POFUT1: variants seen among roughly 807,000 people sequenced by gnomAD.
POFUT1 encodes the protein GDP-fucose protein O-fucosyltransferase 1.
In POFUT1, 16 loss-of-function variants were observed where a neutral mutation model predicts 42.4. That is an observed-to-expected ratio of 0.38 (90% confidence interval 0.26 to 0.57). The LOEUF is 0.57. POFUT1 is among the 20% of genes least tolerant of loss of function. The pLI is 0.71. For synonymous variants in POFUT1, 206 were observed against 205.4 expected (o/e 1.00, Z -0.03); for missense variants, 470 against 504.6 (o/e 0.93, Z 0.66).
rs756587591 is a variant in POFUT1 at position 32,234,609 on chromosome 20, C to T, written c.1115C>T (p.Pro372Leu). 20 of 1,613,750 alleles carry T rather than the reference C, an allele frequency of 1.2e-5. No individual in the cohort carries two copies. The highest frequency in any genetic ancestry group is 1.6e-4 in the Middle Eastern group (1 of 6,082). ...VKRERDLQGR[P>L]SSFFGMDRPP... ...CGGGAGCGGGACCTCCAGGGGAGGCCGTCTTCTTTCTTCGGCATGGACAGG... is the reference window on the plus strand; with the variant it reads ...CGGGAGCGGGACCTCCAGGGGAGGCTGTCTTCTTTCTTCGGCATGGACAGG... Residue 372 changes from proline to leucine, a missense_variant, in exon 7 of 7, where the codon CCG (proline) becomes CTG (leucine). Physicochemically the swap from Pro to Leu is moderately conservative, Grantham distance 98. Coordinates refer to ENST00000375749, the MANE Select transcript of POFUT1 (RefSeq NM_015352.2).
intron 6 of POFUT1, among the ~76,000 whole-genome samples, chr20:32,233,765 A>G (rs899733365): frequency 1.3e-5 from 2 of 152,282 alleles, no homozygotes; most frequent in South Asian, 2.1e-4. Context: ...TTTGGGGTAC[A>G]TGGGAGATGG....
In POFUT1 at chr20:32,228,244, C is replaced by T. The variant is rs1417440439; in HGVS notation, c.543-19C>T. On this transcript the variant is annotated intron_variant, in intron 4 of 6. Transcript: ENST00000375749. ...TCTCTGTGCGTCCTCTGACTTCCCT[C>T]ATTCCATCTCCTGTCTAGATTTTCT... is the stretch of plus-strand genomic sequence containing the variant. 3 of 1,605,618 alleles carry T rather than the reference C, an allele frequency of 1.9e-6. No individual in the cohort carries two copies. Among genetic ancestry groups the T allele is most frequent in the Admixed American group, 3.4e-5 (2 of 59,540 alleles).
chr20:32,225,509 G>T (rs1362728607), intron 4 of POFUT1, among the ~76,000 whole-genome samples: 1 of 151,876 alleles, frequency 6.6e-6, no homozygotes, highest in Non-Finnish European at 1.5e-5. Flanking sequence ...TTTTTTTTGA[G>T]ACAAGGTCTC....
chr20:32,215,544 A>G, intron 3 of POFUT1, 93 bp downstream of exon 3: 1 of 1,051,262 alleles, frequency 9.5e-7, no homozygotes, highest in South Asian at 1.6e-5. Context: ...GAAAAGCACC[A>G]GAAGGACTTA....
chr20:32,217,867 AGTGG>A, intron 4 of POFUT1: 17 of 332,686 alleles, frequency 5.1e-5, no homozygotes, highest in Non-Finnish European at 6.9e-5. Flanking sequence ...TGAGCTGTTG[AGTGG>A]ACAGCTCAGG....
At position 32,237,928 on chromosome 20, in the gene POFUT1, C is replaced by T. The variant is rs1047738045; in HGVS notation, c.*3267C>T. Reference sequence around the variant, plus strand: ...TATGTAATTATTTTTCAGTCTTTTTCAAAGATACAAATATTTACATAGTTT... The same window carrying T: ...TATGTAATTATTTTTCAGTCTTTTTTAAAGATACAAATATTTACATAGTTT... On this transcript the variant is annotated 3_prime_UTR_variant, in exon 7 of 7. Transcript: ENST00000375749. The T allele has an allele frequency of 2.4e-5, 11 of 457,640 alleles. No homozygotes were observed. Among genetic ancestry groups the T allele is most frequent in the Non-Finnish European group, 4.5e-5 (10 of 220,710 alleles). 28.3% of individuals were successfully genotyped at this position (457,640 alleles called of 1,614,324 possible).
At chr20:32,231,354 G>A (rs752799506) in intron 6 of POFUT1, 1 of 384,560 alleles carries the variant, frequency 2.6e-6, no homozygotes, top group Non-Finnish European at 5.0e-6. Context: ...GTAGAAATAT[G>A]TCTTATTTCC....
intron 1 of POFUT1, 85 bp downstream of exon 1, chr20:32,208,150 C>T: frequency 7.5e-7 from 1 of 1,326,150 alleles, no homozygotes; most frequent in Non-Finnish European, 1.0e-6. Flanking sequence ...CCAGAGACAC[C>T]TTCACAGGTC....
chr20:32,213,455 CAAA>C (rs550266377), intron 2 of POFUT1, among the ~76,000 whole-genome samples: 1 of 123,874 alleles, frequency 8.1e-6, no homozygotes. Context: ...GACTCCATCT[CAAA>C]AAAAAAAAAA....
Position 32,210,108 on chromosome 20 carries a change from T to C in POFUT1, c.162T>C (p.Ser54=). 1 of 1,614,220 alleles carries C rather than the reference T, an allele frequency of 6.2e-7. No individual in the cohort carries two copies. The highest frequency in any genetic ancestry group is 8.5e-7 in the Non-Finnish European group (1 of 1,180,028). Residue 54 remains serine, a synonymous_variant, in exon 2 of 7, where the codon TCT becomes TCC. Transcript: ENST00000375749. ...FGNQADHFLG[S]LAFAKLLNRT... ...ACCAGGCCGATCACTTCTTGGGCTC[T>C]CTGGCATTTGCAAAGCTGCTAAACC...
intron 3 of POFUT1, 123 bp from the exon 4 acceptor site, chr20:32,216,486 T>C: frequency 1.5e-6 from 1 of 658,326 alleles, no homozygotes; most frequent in African/African-American, 1.8e-5. Context: ...TCCTAGGCCA[T>C]CCTGTGAGAG....
rs560812625 is a variant in POFUT1, at chr20:32,227,454, G to A, written c.543-809G>A. On this transcript the variant is annotated intron_variant, in intron 4 of 6. Transcript: ENST00000375749. ...AAGGTCTTGCCTTGAGCCTGGAGGC[G>A]GAGATTGCAGTGAGCCGAGATCACG... 3.1e-3 allele frequency among the ~76,000 whole-genome samples: 475 copies of A among 152,288 alleles called. 3 individuals are homozygous for A. The highest frequency in any genetic ancestry group is 0.011 in the African/African-American group (460 of 41,540).
chr20:32,221,330 C>T (rs2122581264), intron 4 of POFUT1, among the ~76,000 whole-genome samples: 1 of 152,280 alleles, frequency 6.6e-6, no homozygotes, highest in South Asian at 2.1e-4. Flanking sequence ...GATTAGGCAG[C>T]TGCTCCCCTT....
At chr20:32,212,868 C>G (rs534493285) in intron 2 of POFUT1, among the ~76,000 whole-genome samples, 2 of 152,016 alleles carry the variant, frequency 1.3e-5, no homozygotes, top group East Asian at 3.9e-4. Context: ...AGGCAAAAGC[C>G]ACTGCGCCCA....
rs927001610 is a variant in POFUT1, at chr20:32,217,698, A to G, written c.542+977A>G. The G allele has an allele frequency of 5.1e-6, 5 of 985,334 alleles. No individual in the cohort carries two copies. The African/African-American group carries it at 5.2e-5, about 10-fold the overall frequency. The allele number at this position is 985,334 out of a possible 1,614,324, so 61.0% of individuals were successfully genotyped here. ...GTAGTGCATGAAGTGCATGTCATACACTAAGCAGCCAGCCAGTGTTGGCTG... is the reference window on the plus strand; with the variant it reads ...GTAGTGCATGAAGTGCATGTCATACGCTAAGCAGCCAGCCAGTGTTGGCTG... On this transcript the variant is annotated intron_variant, in intron 4 of 6. Transcript: ENST00000375749.
chr20:32,221,959 A>G (rs2047392995), intron 4 of POFUT1, among the ~76,000 whole-genome samples: 1 of 152,136 alleles, frequency 6.6e-6, no homozygotes, highest in African/African-American at 2.4e-5. Context: ...AAGTAAAAGA[A>G]GATCTGGGTA....
At position 32,219,508 on chromosome 20, in the gene POFUT1, GTT is replaced by G. The variant is rs11478934; in HGVS notation, c.542+2805_542+2806del. On this transcript the variant is annotated intron_variant, in intron 4 of 6. Coordinates refer to ENST00000375749, the MANE Select transcript of POFUT1 (RefSeq NM_015352.2). ...ACAAAACGTAGTAGCATAACAACAA[GTT>G]TTTTTTTTTTTTTTTTTGAGACGGA... 1.9e-3 allele frequency among the ~76,000 whole-genome samples: 216 copies of G among 112,316 alleles called. 3 individuals carry two copies. The Middle Eastern group carries it at 0.032, about 17-fold the overall frequency. The allele number at this position is 112,316 out of a possible 152,430, so 73.7% of individuals were successfully genotyped here. A position where few individuals can be genotyped will look rare whatever the true frequency, so the allele number is the denominator to read the frequency against.
At chr20:32,223,662 C>T (rs536672094) in intron 4 of POFUT1, 1 of 985,332 alleles carries the variant, frequency 1.0e-6, no homozygotes, top group Admixed American at 6.1e-5. Flanking sequence ...CCTTCCTTCT[C>T]TAACCCCTGA....
Position 32,237,540 on chromosome 20 carries a change from G to A in POFUT1, c.*2879G>A. 4.2e-6 allele frequency: 1 copy of A among 237,254 alleles called. No homozygotes were observed. The highest frequency in any genetic ancestry group is 8.8e-6 in the Non-Finnish European group (1 of 113,206). 14.7% of individuals were successfully genotyped at this position (237,254 alleles called of 1,614,324 possible). ...GAGCAGCCAGGAGGCCAGCATGGCT[G>A]GAGAGGCAGGCATAGGCAGGGAACC... is the stretch of plus-strand genomic sequence containing the variant. On this transcript the variant is annotated 3_prime_UTR_variant, in exon 7 of 7. Coordinates refer to ENST00000375749, the MANE Select transcript of POFUT1 (RefSeq NM_015352.2).
Sources: gnomAD v4.1 joint callset for allele counts (sites outside exome capture counted in the v4.1 genomes callset) on GRCh38, gnomAD v4.1.1 for gene constraint, MANE v1.5 for transcripts, NCBI Gene and HGNC (gene_info 2026-07-23, HGNC 2026-07-21) for gene names.